Variants in PRRC2C observed in about 807,000 individuals in gnomAD.
PRRC2C encodes proline rich coiled-coil 2C.
In PRRC2C, 72 loss-of-function variants were observed where a neutral mutation model predicts 317.2. The observed-to-expected ratio is 0.23, with a 90% CI of 0.19 to 0.28. The LOEUF (loss-of-function observed/expected upper bound fraction) is 0.28. PRRC2C is among the 10% of genes least tolerant of loss of function. PRRC2C has a pLI of 1.00. For synonymous variants in PRRC2C, 1,296 were observed against 1,205.9 expected (o/e 1.07, Z -1.55); for missense variants, 3,074 against 3,459.7 (o/e 0.89, Z 2.80).
intron 3 of PRRC2C, among the ~76,000 whole-genome samples, chr1:171,513,881 G>A (rs538669487): frequency 1.2e-4 from 18 of 152,198 alleles, no homozygotes; most frequent in Non-Finnish European, 1.9e-4. Flanking sequence ...CTTGTTAGCT[G>A]TAGTAAAATT....
intron 12 of PRRC2C, among the ~76,000 whole-genome samples, chr1:171,534,796 G>A (rs968156): frequency 0.8 from 121,798 of 151,702 alleles, 49,004 homozygotes; most frequent in Middle Eastern, 0.9. Context: ...ATTCTTAACA[G>A]CATGCTTTTA....
chr1:171,510,847 G>C (rs1019145567), intron 1 of PRRC2C: 2 of 152,174 alleles, frequency 1.3e-5, no homozygotes, highest in African/African-American at 4.8e-5. Flanking sequence ...GTCTTTATGT[G>C]TAAAAATCAA....
At chr1:171,591,482 T>G in intron 34 of PRRC2C, 105 bp from the exon 35 acceptor site, 1 of 1,409,368 alleles carries the variant, frequency 7.1e-7, no homozygotes, top group Non-Finnish European at 9.6e-7. Context: ...CAAACCAGTG[T>G]GGGGAAAACT....
chr1:171,530,773 A>G (rs1210336982), intron 11 of PRRC2C, among the ~76,000 whole-genome samples: 1 of 152,210 alleles, frequency 6.6e-6, no homozygotes, highest in African/African-American at 2.4e-5. Context: ...GCAAGGATGT[A>G]TAGAGCAGCT....
intron 30 of PRRC2C, among the ~76,000 whole-genome samples, chr1:171,585,571 C>T (rs1649694080): frequency 6.6e-6 from 1 of 152,108 alleles, no homozygotes; most frequent in Non-Finnish European, 1.5e-5. Context: ...CTGAGAGATT[C>T]TTGTTCTTCT....
At chr1:171,531,225 ATGT>A (rs756999440) in intron 11 of PRRC2C, among the ~76,000 whole-genome samples, 5 of 152,332 alleles carry the variant, frequency 3.3e-5, no homozygotes, top group African/African-American at 1.2e-4. Flanking sequence ...AGTGATGGAA[ATGT>A]TGTGTCTGCG....
chr1:171,578,710 A>T (rs1253672407), intron 26 of PRRC2C, among the ~76,000 whole-genome samples: 2 of 152,180 alleles, frequency 1.3e-5, no homozygotes, highest in Non-Finnish European at 2.9e-5. Flanking sequence ...TCTACTAAAA[A>T]TACAAAAATT....
intron 23 of PRRC2C, among the ~76,000 whole-genome samples, chr1:171,569,575 A>AATATATATATATATTTATATAT (rs1684336222): frequency 1.7e-5 from 1 of 60,130 alleles, no homozygotes; most frequent in African/African-American, 5.6e-5. Context: ...AAGTGGTTTA[A>AATATATATATATATTTATATAT]ATATATATAT....
intron 24 of PRRC2C, among the ~76,000 whole-genome samples, chr1:171,573,921 C>T (rs1409016576): frequency 6.6e-6 from 1 of 151,910 alleles, no homozygotes; most frequent in Admixed American, 6.6e-5. Context: ...TCGTGATCCG[C>T]CTGCCTCAGC....
In PRRC2C at chr1:171,591,879, GGGGC is replaced by G; in HGVS notation, c.*36_*39del. 1 of 592,028 alleles carries G rather than the reference GGGGC, an allele frequency of 1.7e-6. No individual in the cohort carries two copies. Among genetic ancestry groups the G allele is most frequent in the Non-Finnish European group, 2.9e-6 (1 of 345,176 alleles). The allele number at this position is 592,028 out of a possible 1,614,324, so 36.7% of individuals were successfully genotyped here. A position where few individuals can be genotyped will look rare whatever the true frequency, so the allele number is the denominator to read the frequency against. Reference sequence around the variant, plus strand: ...TGGTTTATTGCAGGGGATTGGGAGGGGGGCGGGAAAACATGGAGAATTAAGTCAG... The same window carrying G: ...TGGTTTATTGCAGGGGATTGGGAGGGGGGAAAACATGGAGAATTAAGTCAG... On this transcript the variant is annotated 3_prime_UTR_variant, in exon 35 of 35. Coordinates refer to ENST00000647382, the MANE Select transcript of PRRC2C (RefSeq NM_001387844.1).
chr1:171,508,542 G>C (rs1670689604), intron 1 of PRRC2C, among the ~76,000 whole-genome samples: 1 of 152,204 alleles, frequency 6.6e-6, no homozygotes, highest in Non-Finnish European at 1.5e-5. Flanking sequence ...ATTTTAAGTA[G>C]GGAAGTTAAG....
At chr1:171,525,257 A>C (rs1255444410) in intron 10 of PRRC2C, among the ~76,000 whole-genome samples, 1 of 152,106 alleles carries the variant, frequency 6.6e-6, no homozygotes, top group African/African-American at 2.4e-5. Context: ...TTCTAAAATA[A>C]AATAAACATT....
intron 12 of PRRC2C, among the ~76,000 whole-genome samples, chr1:171,533,353 T>TCCAACATACTCA (rs1296912871): frequency 2.0e-5 from 3 of 152,252 alleles, no homozygotes; most frequent in Non-Finnish European, 4.4e-5. Context: ...ATTATCATAA[T>TCCAACATACTCA]TAAATGACTG....
chr1:171,536,385 G>A (rs12139715), intron 14 of PRRC2C, 107 bp downstream of exon 14: 198,440 of 1,227,274 alleles, frequency 0.16, 17,384 homozygotes, highest in Middle Eastern at 0.28. Context: ...TTAAACCTCC[G>A]ATTTTTAATC....
At chr1:171,494,588 CA>C (rs1383930249) in intron 1 of PRRC2C, among the ~76,000 whole-genome samples, 1 of 152,192 alleles carries the variant, frequency 6.6e-6, no homozygotes, top group East Asian at 1.9e-4. Context: ...ATATTTCTGA[CA>C]GGCTTACCTT....
At chr1:171,582,241 A>G (rs776748441) in intron 28 of PRRC2C, among the ~76,000 whole-genome samples, 1 of 152,234 alleles carries the variant, frequency 6.6e-6, no homozygotes, top group African/African-American at 2.4e-5. Context: ...AGTGAACACA[A>G]AAAGAGAATT....
chr1:171,591,173 C>T, intron 34 of PRRC2C: 1 of 990,914 alleles, frequency 1.0e-6, no homozygotes, highest in Non-Finnish European at 1.2e-6. Flanking sequence ...GGGAAGAGGA[C>T]TCAGCCACAA....
intron 18 of PRRC2C, among the ~76,000 whole-genome samples, chr1:171,554,787 G>GC (rs1375782792): frequency 6.6e-6 from 1 of 152,106 alleles, no homozygotes; most frequent in African/African-American, 2.4e-5. Context: ...TTGAATATTG[G>GC]CCCCCACTCT....
intron 16 of PRRC2C, among the ~76,000 whole-genome samples, chr1:171,544,375 C>A (rs922616503): frequency 7.9e-5 from 12 of 152,274 alleles, no homozygotes; most frequent in Admixed American, 2.0e-4. Flanking sequence ...CTGCCCACCT[C>A]GGCCTCCCAA....
Sources: allele counts gnomAD v4.1 joint callset (sites outside exome capture counted in the v4.1 genomes callset), GRCh38; gene constraint gnomAD v4.1.1; transcripts MANE v1.5; gene names NCBI Gene and HGNC (gene_info 2026-07-23, HGNC 2026-07-21).